SLC5A4: variants seen among roughly 807,000 people sequenced by gnomAD.
SLC5A4 encodes probable glucose sensor protein SLC5A4.
Under a neutral mutation model 70.3 loss-of-function variants are expected in SLC5A4, and 55 were observed. The ratio of observed to expected loss-of-function variants is 0.78; its 90% CI spans 0.63 to 0.98. SLC5A4 has a LOEUF of 0.98. Among genes scored for constraint, SLC5A4 ranks in the 50% least tolerant of loss-of-function variants. The pLI is 0.00. For synonymous variants in SLC5A4, 268 were observed against 305.7 expected (o/e 0.88, Z 1.29); for missense variants, 735 against 839.2 (o/e 0.88, Z 1.53).
chr22:32,318,794 T>TA, the SLC5A4 span, among the ~76,000 whole-genome samples: 1 of 152,208 alleles, frequency 6.6e-6, no homozygotes, highest in Non-Finnish European at 1.5e-5. Context: ...GAGTAGAAGC[T>TA]AAAGCCCTTC....
At chr22:32,307,752 C>T in the SLC5A4 span, among the ~76,000 whole-genome samples, 14 of 152,300 alleles carry the variant, frequency 9.2e-5, no homozygotes, top group South Asian at 4.1e-4. Context: ...GCTTGTCTTC[C>T]GGAGGGGACA....
At chr22:32,219,909 A>G (rs914537591) in intron 14 of SLC5A4, among the ~76,000 whole-genome samples, 1 of 152,106 alleles carries the variant, frequency 6.6e-6, no homozygotes, top group African/African-American at 2.4e-5. Flanking sequence ...ATATATTTAA[A>G]ATGTGCACTA....
chr22:32,336,363 TACTC>T, the SLC5A4 span, among the ~76,000 whole-genome samples: 1 of 152,234 alleles, frequency 6.6e-6, no homozygotes, highest in Non-Finnish European at 1.5e-5. Flanking sequence ...TTTTGTTAAT[TACTC>T]ACGCAAGCTG....
In SLC5A4 at chr22:32,229,373, G is replaced by C. The variant is rs745681694; in HGVS notation, c.1130-29C>G. 5.0e-6 allele frequency: 8 copies of C among 1,608,966 alleles called. No individual in the cohort carries two copies. The South Asian group carries it at 8.8e-5, about 18-fold the overall frequency. On this transcript the variant is annotated intron_variant, in intron 10 of 14. Coordinates refer to ENST00000266086, the MANE Select transcript of SLC5A4 (RefSeq NM_014227.3). Reference sequence around the variant, plus strand: ...GAGCCGGGAAAGGGTACAAGCACTGGTTAGTGGCTGGACACTGCCTTGCTA... The same window carrying C: ...GAGCCGGGAAAGGGTACAAGCACTGCTTAGTGGCTGGACACTGCCTTGCTA...
chr22:32,340,513 G>T, the SLC5A4 span, among the ~76,000 whole-genome samples: 3 of 152,208 alleles, frequency 2.0e-5, no homozygotes, highest in Non-Finnish European at 4.4e-5. Flanking sequence ...TATGTCAGGC[G>T]GCGACGCACG....
At chr22:32,317,605 G>A in the SLC5A4 span, among the ~76,000 whole-genome samples, 3 of 152,104 alleles carry the variant, frequency 2.0e-5, no homozygotes, top group Non-Finnish European at 2.9e-5. Flanking sequence ...TAAGACTACA[G>A]GTGTGCACCA....
chr22:32,247,863 T>C (rs1926923891), intron 4 of SLC5A4, among the ~76,000 whole-genome samples: 1 of 152,238 alleles, frequency 6.6e-6, no homozygotes, highest in South Asian at 2.1e-4. Context: ...TCATTCTCCT[T>C]GTCATCCATC....
the SLC5A4 span, among the ~76,000 whole-genome samples, chr22:32,280,970 G>C: frequency 1.3e-5 from 2 of 152,136 alleles, no homozygotes; most frequent in Admixed American, 6.5e-5. Context: ...CTGAGCCCCA[G>C]TCTCTCAACA....
the SLC5A4 span, chr22:32,285,249 A>G: frequency 6.6e-6 from 1 of 151,986 alleles, no homozygotes; most frequent in Non-Finnish European, 1.5e-5. Context: ...TTTTGTTTCT[A>G]TTCTACCATG....
chr22:32,246,018 G>GACCC (rs1926805060), intron 5 of SLC5A4, among the ~76,000 whole-genome samples: 1 of 152,182 alleles, frequency 6.6e-6, no homozygotes, highest in Non-Finnish European at 1.5e-5. Context: ...GACCCCCAAT[G>GACCC]CCATCCATCA....
At chr22:32,340,835 C>T in the SLC5A4 span, among the ~76,000 whole-genome samples, 1 of 152,148 alleles carries the variant, frequency 6.6e-6, no homozygotes, top group African/African-American at 2.4e-5. Context: ...AGGAGACCAT[C>T]GGCACGTCTT....
the SLC5A4 span, chr22:32,271,670 T>C: frequency 1.7e-6 from 1 of 588,980 alleles, no homozygotes; most frequent in Non-Finnish European, 3.2e-6. Context: ...GGCGACAGAC[T>C]GAGGGGTGCT....
chr22:32,306,852 TGGGGAACAA>T, the SLC5A4 span, among the ~76,000 whole-genome samples: 1 of 152,062 alleles, frequency 6.6e-6, no homozygotes, highest in African/African-American at 2.4e-5. Flanking sequence ...AAACGGGAAA[TGGGGAACAA>T]TAGGAAGAAA....
the SLC5A4 span, chr22:32,273,287 T>A: frequency 4.5e-5 from 13 of 287,856 alleles, no homozygotes; most frequent in South Asian, 4.1e-4. Context: ...CCTGAGAAGA[T>A]AATCCAGACC....
chr22:32,305,457 G>C, the SLC5A4 span, among the ~76,000 whole-genome samples: 1 of 149,012 alleles, frequency 6.7e-6, no homozygotes, highest in Non-Finnish European at 1.5e-5. Flanking sequence ...CGGATGACGA[G>C]ACCTCTCTGG....
At chr22:32,297,621 T>A in the SLC5A4 span, among the ~76,000 whole-genome samples, 4 of 112,778 alleles carry the variant, frequency 3.5e-5, 1 homozygote, top group African/African-American at 1.3e-4. Context: ...GATTCGTTAA[T>A]TTTTTGAAGG....
At chr22:32,272,893 C>T in the SLC5A4 span, 2 of 516,596 alleles carry the variant, frequency 3.9e-6, no homozygotes, top group Non-Finnish European at 3.8e-6. Flanking sequence ...GAACGTGCTG[C>T]CACACCACAC....
chr22:32,262,660 G>A, the SLC5A4 span, among the ~76,000 whole-genome samples: 2 of 151,936 alleles, frequency 1.3e-5, no homozygotes, highest in Admixed American at 1.3e-4. Context: ...TTTTTGTTTA[G>A]ACTCTAAGTT....
chr22:32,333,793 CCA>C, the SLC5A4 span, among the ~76,000 whole-genome samples: 2 of 151,382 alleles, frequency 1.3e-5, no homozygotes, highest in Non-Finnish European at 2.9e-5. Context: ...ACACACCATG[CCA>C]CACAGATCCA....
Sources: gnomAD v4.1 joint callset for allele counts (sites outside exome capture counted in the v4.1 genomes callset) on GRCh38, gnomAD v4.1.1 for gene constraint, MANE v1.5 for transcripts, NCBI Gene and HGNC (gene_info 2026-07-23, HGNC 2026-07-21) for gene names.